The following FRMD4A variants were observed in gnomAD, a reference collection of about 807,000 sequenced individuals.
The protein encoded by FRMD4A is FERM domain-containing protein 4A.
FRMD4A carries 29 observed loss-of-function variants against 129.1 expected under a neutral mutation model. The ratio of observed to expected loss-of-function variants is 0.22; its 90% confidence interval spans 0.17 to 0.31. The LOEUF (loss-of-function observed/expected upper bound fraction) is 0.31. Among genes scored for constraint, FRMD4A ranks in the 10% least tolerant of loss-of-function variants. The pLI is 1.00. For missense variants in FRMD4A, 1,272 were observed against 1,375.8 expected (o/e 0.92, Z 1.19); for synonymous variants, 634 against 571.6 (o/e 1.11, Z -1.56).
intron 24 of FRMD4A, chr10:13,647,490 G>A (rs1000098672): frequency 2.0e-5 from 3 of 151,850 alleles, no homozygotes; most frequent in African/African-American, 7.3e-5. Context: ...AGCTGCCCGG[G>A]TTGTCCTCCG....
intron 2 of FRMD4A, among the ~76,000 whole-genome samples, chr10:14,260,152 C>T (rs1844751035): frequency 6.6e-6 from 1 of 152,010 alleles, no homozygotes; most frequent in African/African-American, 2.4e-5. Context: ...ATGATGTGTG[C>T]CAGAGCCCTC....
At chr10:14,018,040 C>A (rs1256354401) in intron 2 of FRMD4A, among the ~76,000 whole-genome samples, 1 of 152,110 alleles carries the variant, frequency 6.6e-6, no homozygotes, top group Non-Finnish European at 1.5e-5. Flanking sequence ...GCTGGGGGTA[C>A]TCCATTCTAA....
chr10:14,198,145 G>T (rs1391732746), intron 2 of FRMD4A, among the ~76,000 whole-genome samples: 1 of 152,222 alleles, frequency 6.6e-6, no homozygotes, highest in East Asian at 1.9e-4. Flanking sequence ...ACGAATCAAA[G>T]GAATCAATAC....
chr10:13,670,983 T>C (rs2083464697), intron 16 of FRMD4A, among the ~76,000 whole-genome samples: 1 of 152,188 alleles, frequency 6.6e-6, no homozygotes, highest in African/African-American at 2.4e-5. Flanking sequence ...CTCAAATATC[T>C]AAGTTTAAAG....
chr10:13,963,138 A>G (rs1220858506), intron 2 of FRMD4A, among the ~76,000 whole-genome samples: 1 of 152,204 alleles, frequency 6.6e-6, no homozygotes, highest in Non-Finnish European at 1.5e-5. Context: ...TAGAAATGCA[A>G]ACACATCTTC....
intron 2 of FRMD4A, among the ~76,000 whole-genome samples, chr10:14,329,602 A>G (rs1386572735): frequency 6.6e-6 from 1 of 152,168 alleles, no homozygotes; most frequent in Non-Finnish European, 1.5e-5. Context: ...CCACCTCTAC[A>G]GGAAAGTATG....
intron 2 of FRMD4A, among the ~76,000 whole-genome samples, chr10:14,218,109 C>G (rs1358371285): frequency 1.3e-5 from 2 of 152,236 alleles, no homozygotes; most frequent in Non-Finnish European, 2.9e-5. Context: ...GGATTATAGG[C>G]ATGAGCCATG....
At chr10:14,222,318 G>A (rs900232450) in intron 2 of FRMD4A, among the ~76,000 whole-genome samples, 7 of 152,188 alleles carry the variant, frequency 4.6e-5, no homozygotes, top group Non-Finnish European at 5.9e-5. Context: ...ATTATTCAAC[G>A]TGAGTGTAGC....
chr10:13,729,780 A>G (rs1402855315), intron 12 of FRMD4A, among the ~76,000 whole-genome samples: 2 of 152,206 alleles, frequency 1.3e-5, no homozygotes, highest in Non-Finnish European at 2.9e-5. Context: ...CTAATTGCAC[A>G]TCAAATAAAT....
In FRMD4A at chr10:13,897,036, TGTTCA is replaced by T. The variant is rs199693927; in HGVS notation, c.46-38129_46-38125del. Among the ~76,000 whole-genome samples, 953 of 152,322 alleles carry T rather than the reference TGTTCA, an allele frequency of 6.3e-3. 3 individuals are homozygous for T. The highest frequency in any genetic ancestry group is 0.021 in the African/African-American group (870 of 41,568). On this transcript the variant is annotated intron_variant, in intron 2 of 24. Transcript: ENST00000357447. ...AGATAAAATTTTTATTATGCCCCAT[TGTTCA>T]GTTAAGTGGCATTCCAAAAATGGAA... is the stretch of plus-strand genomic sequence containing the variant.
chr10:14,091,864 C>T (rs1836680565), intron 2 of FRMD4A, among the ~76,000 whole-genome samples: 1 of 152,198 alleles, frequency 6.6e-6, no homozygotes, highest in South Asian at 2.1e-4. Context: ...CTTTAAGTCT[C>T]CAACTGGAAT....
intron 2 of FRMD4A, among the ~76,000 whole-genome samples, chr10:13,961,409 G>A (rs878936496): frequency 6.6e-6 from 1 of 152,326 alleles, no homozygotes; most frequent in East Asian, 1.9e-4. Context: ...AAGGGCCAGT[G>A]GTGGGTATGA....
At chr10:14,310,394 C>T (rs1169781090) in intron 2 of FRMD4A, among the ~76,000 whole-genome samples, 1 of 152,172 alleles carries the variant, frequency 6.6e-6, no homozygotes, top group African/African-American at 2.4e-5. Context: ...GCAGAATTTC[C>T]CTTTTAACAA....
chr10:13,871,120 G>T, intron 2 of FRMD4A: 1 of 163,194 alleles, frequency 6.1e-6, no homozygotes. Flanking sequence ...AGGACATAAT[G>T]GATGCTTGGG....
At chr10:13,684,955 G>A in intron 15 of FRMD4A, 3 of 984,358 alleles carry the variant, frequency 3.0e-6, no homozygotes, top group South Asian at 4.7e-5. Flanking sequence ...GACATCCCAG[G>A]AATAAATATG....
chr10:13,972,855 GCA>G (rs1393952298), intron 2 of FRMD4A, among the ~76,000 whole-genome samples: 1 of 152,312 alleles, frequency 6.6e-6, no homozygotes, highest in Non-Finnish European at 1.5e-5. Context: ...CATTTTGATT[GCA>G]CAGTCCTGAA....
At chr10:13,978,528 A>T (rs952240688) in intron 2 of FRMD4A, among the ~76,000 whole-genome samples, 1 of 152,168 alleles carries the variant, frequency 6.6e-6, no homozygotes, top group Non-Finnish European at 1.5e-5. Flanking sequence ...TGCTATTTAG[A>T]AATAGCACTG....
At chr10:13,816,424 A>C (rs935283156) in intron 3 of FRMD4A, among the ~76,000 whole-genome samples, 1 of 152,146 alleles carries the variant, frequency 6.6e-6, no homozygotes, top group Non-Finnish European at 1.5e-5. Flanking sequence ...TCATTGTTTC[A>C]CTGTTTAAGT....
intron 2 of FRMD4A, among the ~76,000 whole-genome samples, chr10:14,014,105 T>C (rs1420823421): frequency 6.6e-6 from 1 of 151,708 alleles, no homozygotes; most frequent in Non-Finnish European, 1.5e-5. Flanking sequence ...GATTTGGAGG[T>C]GGAGACACAC....
Sources: gnomAD v4.1 joint callset for allele counts (sites outside exome capture counted in the v4.1 genomes callset) on GRCh38, gnomAD v4.1.1 for gene constraint, MANE v1.5 for transcripts, NCBI Gene and HGNC (gene_info 2026-07-23, HGNC 2026-07-21) for gene names.